Variants in PPARGC1A observed in about 807,000 individuals in gnomAD.
PPARGC1A encodes the protein peroxisome proliferator-activated receptor gamma coactivator 1-alpha.
Under a neutral mutation model 88.7 loss-of-function variants are expected in PPARGC1A, and 25 were observed. The ratio of observed to expected loss-of-function variants is 0.28; its 90% confidence interval spans 0.21 to 0.39. The LOEUF (loss-of-function observed/expected upper bound fraction) is 0.39, where lower values mean the gene tolerates loss of function less well. Ranked by LOEUF, PPARGC1A falls within the 10% of genes least tolerant of loss-of-function variation. PPARGC1A has a pLI of 1.00. For missense variants in PPARGC1A, 880 were observed against 968.7 expected, an observed-to-expected ratio of 0.91 and a Z score of 1.22; for synonymous variants, 363 against 355.6, an observed-to-expected ratio of 1.02 and a Z score of -0.24.
the PPARGC1A span, among the ~76,000 whole-genome samples, chr4:24,214,159 G>A: frequency 6.6e-6 from 1 of 152,172 alleles, no homozygotes; most frequent in African/African-American, 2.4e-5. Context: ...CATTACAGTG[G>A]AGCATCAGCA....
the PPARGC1A span, among the ~76,000 whole-genome samples, chr4:23,988,579 T>C: frequency 1.2e-3 from 188 of 152,160 alleles, 2 homozygotes; most frequent in African/African-American, 4.3e-3. Flanking sequence ...CTTGTTAAAA[T>C]TTCAGTGTAC....
chr4:23,913,259 TATATATATAGAGAGAGAGAGAG>T, the PPARGC1A span, among the ~76,000 whole-genome samples: 1,429 of 49,000 alleles, frequency 0.029, 28 homozygotes, highest in African/African-American at 0.093. Flanking sequence ...TATATATATA[TATATATATAGAGAGAGAGAGAG>T]AGAGAGAGAG....
the PPARGC1A span, among the ~76,000 whole-genome samples, chr4:24,053,145 A>G: frequency 6.6e-6 from 1 of 151,696 alleles, no homozygotes; most frequent in Non-Finnish European, 1.5e-5. Flanking sequence ...TGCCAGGATT[A>G]CAGGCGTGAG....
chr4:23,956,762 T>C, the PPARGC1A span, among the ~76,000 whole-genome samples: 1 of 152,226 alleles, frequency 6.6e-6, no homozygotes, highest in East Asian at 1.9e-4. Context: ...GCACACATAA[T>C]AAAATTCAAA....
the PPARGC1A span, among the ~76,000 whole-genome samples, chr4:24,243,838 G>A: frequency 6.6e-6 from 1 of 152,136 alleles, no homozygotes; most frequent in African/African-American, 2.4e-5. Context: ...GAATCATTTT[G>A]ACTGTTTTCT....
the PPARGC1A span, among the ~76,000 whole-genome samples, chr4:23,954,008 A>G: frequency 6.6e-6 from 1 of 152,046 alleles, no homozygotes; most frequent in African/African-American, 2.4e-5. Flanking sequence ...CCACCTTATA[A>G]CTTACTCACC....
chr4:24,441,805 G>GA, the PPARGC1A span, among the ~76,000 whole-genome samples: 1 of 152,246 alleles, frequency 6.6e-6, no homozygotes, highest in African/African-American at 2.4e-5. Flanking sequence ...AAGGGAGGCA[G>GA]AAACTCTGAG....
At chr4:24,317,629 T>G in the PPARGC1A span, among the ~76,000 whole-genome samples, 1 of 125,150 alleles carries the variant, frequency 8.0e-6, no homozygotes, top group Admixed American at 8.8e-5. Context: ...CCTAAAAAAT[T>G]GCAGTGGAAC....
the PPARGC1A span, among the ~76,000 whole-genome samples, chr4:24,084,091 C>A: frequency 6.6e-6 from 1 of 152,200 alleles, no homozygotes; most frequent in African/African-American, 2.4e-5. Flanking sequence ...TTGTTAACCA[C>A]GCTCTTATCT....
the PPARGC1A span, among the ~76,000 whole-genome samples, chr4:24,259,432 C>G: frequency 6.6e-6 from 1 of 152,166 alleles, no homozygotes; most frequent in Non-Finnish European, 1.5e-5. Flanking sequence ...AGTGATGTCT[C>G]CCTGACCATC....
chr4:24,048,131 A>G, the PPARGC1A span, among the ~76,000 whole-genome samples: 5 of 152,278 alleles, frequency 3.3e-5, no homozygotes, highest in African/African-American at 1.2e-4. Flanking sequence ...TAGGCTATCT[A>G]TGCTATATTA....
the PPARGC1A span, among the ~76,000 whole-genome samples, chr4:24,073,409 T>C: frequency 6.6e-6 from 1 of 152,296 alleles, no homozygotes; most frequent in African/African-American, 2.4e-5. Context: ...CTTCTTGAAA[T>C]ACACATACAA....
At chr4:24,339,350 A>G in the PPARGC1A span, among the ~76,000 whole-genome samples, 2 of 151,244 alleles carry the variant, frequency 1.3e-5, no homozygotes, top group African/African-American at 4.9e-5. Context: ...TAAGCCTTCC[A>G]CATTCTGGCC....
At chr4:24,270,658 G>T in the PPARGC1A span, among the ~76,000 whole-genome samples, 8 of 152,116 alleles carry the variant, frequency 5.3e-5, no homozygotes, top group Non-Finnish European at 1.0e-4. Context: ...TGTAACTTAT[G>T]AGGATTACAA....
the PPARGC1A span, among the ~76,000 whole-genome samples, chr4:23,954,881 T>C: frequency 2.0e-5 from 3 of 152,062 alleles, no homozygotes; most frequent in Non-Finnish European, 4.4e-5. Flanking sequence ...CCAAATATTA[T>C]ATTCACAACC....
the PPARGC1A span, among the ~76,000 whole-genome samples, chr4:24,052,572 G>C: frequency 2.6e-5 from 4 of 151,778 alleles, no homozygotes; most frequent in African/African-American, 9.7e-5. Context: ...GGGAGGCAGA[G>C]GTTGCAGTGA....
chr4:24,323,853 T>C, the PPARGC1A span, among the ~76,000 whole-genome samples: 1 of 152,202 alleles, frequency 6.6e-6, no homozygotes, highest in Non-Finnish European at 1.5e-5. Flanking sequence ...ATCTCACCAA[T>C]TTCAAATCCG....
chr4:23,960,787 C>A, the PPARGC1A span, among the ~76,000 whole-genome samples: 1 of 152,188 alleles, frequency 6.6e-6, no homozygotes, highest in South Asian at 2.1e-4. Context: ...TCGGGCTCCC[C>A]TTAATCTGCC....
At chr4:23,829,965 A>AT (rs886345786) in intron 3 of PPARGC1A, among the ~76,000 whole-genome samples, 2 of 151,910 alleles carry the variant, frequency 1.3e-5, no homozygotes, top group Admixed American at 6.6e-5. Context: ...TTGTCTACAT[A>AT]TTTTTTTTGA....
Sources: allele counts gnomAD v4.1 joint callset (sites outside exome capture counted in the v4.1 genomes callset), GRCh38; gene constraint gnomAD v4.1.1; transcripts MANE v1.5; gene names NCBI Gene and HGNC (gene_info 2026-07-23, HGNC 2026-07-21).